Variants in NCOR1 observed in about 807,000 individuals in gnomAD.
The protein encoded by NCOR1 is nuclear receptor corepressor 1, also known as protein phosphatase 1, regulatory subunit 109.
Under a neutral mutation model 288.1 loss-of-function variants are expected in NCOR1, and 63 were observed. That is an observed-to-expected ratio of 0.22 (90% CI 0.18 to 0.27). NCOR1 has a LOEUF of 0.27. Ranked by LOEUF, NCOR1 falls within the 10% of genes least tolerant of loss-of-function variation. NCOR1 has a pLI of 1.00. For synonymous variants in NCOR1, 1,007 were observed against 1,065.9 expected (o/e 0.94, Z 1.08); for missense variants, 2,397 against 3,019.2 (o/e 0.79, Z 4.83).
chr17:16,194,351 T>TA (rs879777410), intron 2 of NCOR1, 111 bp downstream of exon 2: 18,846 of 503,738 alleles, frequency 0.037, no homozygotes, highest in East Asian at 0.045. Flanking sequence ...TCTTGCAACT[T>TA]AAAAAAAAAA....
At chr17:16,203,299 T>C (rs2091088870) in intron 1 of NCOR1, among the ~76,000 whole-genome samples, 1 of 152,202 alleles carries the variant, frequency 6.6e-6, no homozygotes, top group Admixed American at 6.5e-5. Context: ...AAGGCCCTAC[T>C]TGATTTGGCC....
intron 21 of NCOR1, among the ~76,000 whole-genome samples, chr17:16,093,265 G>A (rs941260879): frequency 1.3e-5 from 2 of 152,254 alleles, no homozygotes; most frequent in African/African-American, 4.8e-5. Flanking sequence ...AGCCATCCTT[G>A]ACTAATTAAT....
chr17:16,038,782 TG>T (rs1403140975), intron 44 of NCOR1, among the ~76,000 whole-genome samples: 2 of 152,068 alleles, frequency 1.3e-5, no homozygotes, highest in African/African-American at 4.8e-5. Flanking sequence ...TGTGTATGTA[TG>T]TATTTTGAGA....
chr17:16,152,127 A>G (rs1433330261), intron 7 of NCOR1, 129 bp from the exon 8 acceptor site: 1 of 546,042 alleles, frequency 1.8e-6, no homozygotes, highest in Non-Finnish European at 3.1e-6. Flanking sequence ...GCCCTACCAA[A>G]ACCTCCAAAC....
At chr17:16,107,274 A>G (rs1037243662) in intron 19 of NCOR1, among the ~76,000 whole-genome samples, 3 of 151,968 alleles carry the variant, frequency 2.0e-5, no homozygotes, top group Non-Finnish European at 4.4e-5. Flanking sequence ...CTTCTGTTGG[A>G]GCCCTACCCC....
At chr17:16,179,756 C>T (rs538624312) in intron 3 of NCOR1, among the ~76,000 whole-genome samples, 77 of 152,282 alleles carry the variant, frequency 5.1e-4, no homozygotes, top group African/African-American at 1.8e-3. Flanking sequence ...TGGCTCACGC[C>T]TGTAATCCCA....
intron 3 of NCOR1, among the ~76,000 whole-genome samples, chr17:16,173,802 T>A (rs178835): frequency 0.58 from 87,213 of 151,366 alleles, 25,656 homozygotes; most frequent in African/African-American, 0.66. Context: ...ATGGTGGTGC[T>A]CGCCTGCAAT....
chr17:16,131,415 T>C (rs2075615556), intron 14 of NCOR1, among the ~76,000 whole-genome samples: 1 of 152,116 alleles, frequency 6.6e-6, no homozygotes, highest in Non-Finnish European at 1.5e-5. Context: ...TATGCTAAGA[T>C]TCATTACTAC....
intron 1 of NCOR1, among the ~76,000 whole-genome samples, chr17:16,197,075 A>G (rs1283363781): frequency 6.6e-6 from 1 of 151,992 alleles, no homozygotes; most frequent in Non-Finnish European, 1.5e-5. Flanking sequence ...TGGCTCACGC[A>G]CTTTAGGAGG....
rs2069374097 is a variant in NCOR1 at position 16,108,930 on chromosome 17, ATTAT to A, written c.2056-22_2056-19del. ...CGTGAAGTCTAAAGGAGGAAAGAGT[ATTAT>A]TTGATTTAAATAACTAAAAAGAAAA... On this transcript the variant is annotated intron_variant, in intron 18 of 45. Transcript: ENST00000268712. 6.5e-7 allele frequency: 1 copy of A among 1,533,570 alleles called. No homozygotes were observed. Among genetic ancestry groups the A allele is most frequent in the Non-Finnish European group, 8.8e-7 (1 of 1,142,826 alleles). The allele number at this position is 1,533,570 out of a possible 1,614,324, so 95.0% of individuals were successfully genotyped here. A position where few individuals can be genotyped will look rare whatever the true frequency, so the allele number is the denominator to read the frequency against.
At chr17:16,212,229 G>A (rs1271997417) in intron 1 of NCOR1, among the ~76,000 whole-genome samples, 1 of 151,742 alleles carries the variant, frequency 6.6e-6, no homozygotes, top group East Asian at 1.9e-4. Context: ...TCACGCCACT[G>A]CCCTCCAGCC....
intron 6 of NCOR1, among the ~76,000 whole-genome samples, chr17:16,155,943 A>G (rs575002840): frequency 4.2e-4 from 64 of 152,272 alleles, no homozygotes; most frequent in African/African-American, 1.5e-3. Flanking sequence ...CCCCTCCGGG[A>G]GCTCCCTGTT....
chr17:16,037,590 C>T (rs1455700941), intron 44 of NCOR1, among the ~76,000 whole-genome samples: 1 of 152,138 alleles, frequency 6.6e-6, no homozygotes, highest in Non-Finnish European at 1.5e-5. Context: ...ACAGAAACTA[C>T]TAAAGAAAGA....
chr17:16,085,109 A>G (rs1299117206), intron 23 of NCOR1, among the ~76,000 whole-genome samples: 2 of 152,228 alleles, frequency 1.3e-5, no homozygotes, highest in African/African-American at 4.8e-5. Context: ...ACCCAGTAGA[A>G]ACAGATAATC....
intron 3 of NCOR1, among the ~76,000 whole-genome samples, chr17:16,173,536 C>T (rs2083499100): frequency 6.6e-6 from 1 of 151,740 alleles, no homozygotes; most frequent in South Asian, 2.1e-4. Context: ...TTAGAGCTAA[C>T]AAATAAATAC....
rs886076003 is a variant in NCOR1 at position 16,035,066 on chromosome 17, C to G, written c.6956-122G>C. Reference sequence around the variant, plus strand: ...AATGGTAACATGAAGAATCCAGATCCTGGTACTCAATGAAATAAAATACTA... The same window carrying G: ...AATGGTAACATGAAGAATCCAGATCGTGGTACTCAATGAAATAAAATACTA... On this transcript the variant is annotated intron_variant, in intron 44 of 45. Coordinates refer to ENST00000268712, the MANE Select transcript of NCOR1 (RefSeq NM_006311.4). The G allele has an allele frequency of 3.4e-6, 3 of 888,940 alleles. No homozygotes were observed. The East Asian group carries it at 7.9e-5, about 23-fold the overall frequency. The allele number at this position is 888,940 out of a possible 1,614,324, so 55.1% of individuals were successfully genotyped here.
At chr17:16,068,351 T>C (rs1201118330) in intron 31 of NCOR1, 39 of 501,414 alleles carry the variant, frequency 7.8e-5, no homozygotes, top group Admixed American at 5.2e-4. Flanking sequence ...TTTTGGATCA[T>C]AGCACCAGTA....
chr17:16,063,168 T>A (rs2060718780), intron 35 of NCOR1, among the ~76,000 whole-genome samples: 1 of 152,168 alleles, frequency 6.6e-6, no homozygotes, highest in Admixed American at 6.5e-5. Flanking sequence ...TATGAATATT[T>A]ATTTTTTTAA....
At chr17:16,128,264 CT>C in intron 14 of NCOR1, among the ~76,000 whole-genome samples, 1 of 152,324 alleles carries the variant, frequency 6.6e-6, no homozygotes, top group Middle Eastern at 3.4e-3. Flanking sequence ...CTACCCTTCC[CT>C]TTCCTGATAA....
Sources: gnomAD v4.1 joint callset for allele counts (sites outside exome capture counted in the v4.1 genomes callset) on GRCh38, gnomAD v4.1.1 for gene constraint, MANE v1.5 for transcripts, NCBI Gene and HGNC (gene_info 2026-07-23, HGNC 2026-07-21) for gene names.